Variants in NKAIN2 observed in about 807,000 individuals in gnomAD.
NKAIN2 encodes the protein sodium/potassium transporting ATPase interacting 2, also known as sodium/potassium-transporting ATPase subunit beta-1-interacting protein 2.
NKAIN2 carries 14 observed loss-of-function variants against 32.6 expected under a neutral mutation model. That is an observed-to-expected ratio of 0.43 (90% CI 0.28 to 0.67). NKAIN2 has a LOEUF of 0.67. Ranked by LOEUF, NKAIN2 falls within the 30% of genes least tolerant of loss-of-function variation. NKAIN2 has a pLI of 0.17. For missense variants in NKAIN2, 198 were observed against 258.3 expected, an observed-to-expected ratio of 0.77 and a Z score of 1.60; for synonymous variants, 80 against 87.2, an observed-to-expected ratio of 0.92 and a Z score of 0.46.
intron 1 of NKAIN2, among the ~76,000 whole-genome samples, chr6:123,973,059 T>A (rs1778413001): frequency 6.6e-6 from 1 of 152,130 alleles, no homozygotes; most frequent in Admixed American, 6.6e-5. Flanking sequence ...AAATATTGGC[T>A]GATGAAAAAC....
chr6:124,729,567 TA>T (rs748751498), intron 4 of NKAIN2, among the ~76,000 whole-genome samples: 119 of 151,804 alleles, frequency 7.8e-4, no homozygotes, highest in Non-Finnish European at 1.6e-3. Flanking sequence ...TTCAAAATAA[TA>T]AAAGCTATCT....
chr6:124,560,783 T>A (rs1267580601), intron 3 of NKAIN2, among the ~76,000 whole-genome samples: 2 of 152,196 alleles, frequency 1.3e-5, no homozygotes, highest in Non-Finnish European at 2.9e-5. Context: ...AGAGGAAAAG[T>A]TGAAATAATC....
intron 2 of NKAIN2, among the ~76,000 whole-genome samples, chr6:124,317,842 A>G (rs200477143): frequency 6.6e-6 from 1 of 152,064 alleles, no homozygotes. Context: ...CTTGTATTCA[A>G]TATATTTATA....
rs192239011 is a variant in NKAIN2, at chr6:124,721,062, A to G, written c.474+62676A>G. On this transcript the variant is annotated intron_variant, in intron 4 of 6. Coordinates refer to ENST00000368417, the MANE Select transcript of NKAIN2 (RefSeq NM_001040214.3). ...TCTGAAAACTTCCAACAAAGCATTC[A>G]GAGCTAGCATAATTCCAGCCAGATG... Among the ~76,000 whole-genome samples, 974 of 152,358 alleles carry G rather than the reference A, an allele frequency of 6.4e-3. 26 individuals are homozygous for G. Among genetic ancestry groups the G allele is most frequent in the Admixed American group, 0.043 (656 of 15,290 alleles).
intron 4 of NKAIN2, among the ~76,000 whole-genome samples, chr6:124,789,172 C>T (rs1779633986): frequency 6.6e-6 from 1 of 151,970 alleles, no homozygotes; most frequent in Non-Finnish European, 1.5e-5. Context: ...TCTAGTGACA[C>T]TTTAATGAGA....
chr6:124,703,580 A>T (rs1774906735), intron 4 of NKAIN2, among the ~76,000 whole-genome samples: 1 of 152,056 alleles, frequency 6.6e-6, no homozygotes, highest in African/African-American at 2.4e-5. Flanking sequence ...AAAAAAAGAT[A>T]CCCAGAAGAT....
chr6:124,288,581 A>G (rs1795664713), intron 2 of NKAIN2, among the ~76,000 whole-genome samples: 1 of 152,178 alleles, frequency 6.6e-6, no homozygotes, highest in Non-Finnish European at 1.5e-5. Context: ...CTCTAGTAAC[A>G]GTGAATTAGA....
chr6:123,895,664 T>G (rs1774246024), intron 1 of NKAIN2, among the ~76,000 whole-genome samples: 2 of 152,130 alleles, frequency 1.3e-5, no homozygotes, highest in Admixed American at 1.3e-4. Context: ...CTTTGACAGC[T>G]CTAATGCAAA....
At chr6:124,609,788 T>C (rs1316592294) in intron 3 of NKAIN2, among the ~76,000 whole-genome samples, 4 of 152,050 alleles carry the variant, frequency 2.6e-5, no homozygotes, top group Non-Finnish European at 5.9e-5. Context: ...GTACCGTAAA[T>C]AGACAGAGTG....
In NKAIN2 at chr6:124,698,920, G is replaced by T. The variant is rs1203812474; in HGVS notation, c.474+40534G>T. On this transcript the variant is annotated intron_variant, in intron 4 of 6. Transcript: ENST00000368417. ...GTTTTCTAGAGGGGTGTAGAGGTTA[G>T]TGCAGGGTAAAGGTTGAGAGTTAAA... Among the ~76,000 whole-genome samples the T allele has an allele frequency of 3.3e-5, 5 of 152,196 alleles. 1 individual carries two copies. In the East Asian group the frequency reaches 5.8e-4, roughly 18 times the overall value.
chr6:123,964,501 G>A lies in NKAIN2; in HGVS notation c.54+160247G>A, dbSNP rs1777989485. ...AAGTGGTCTCTGCTATGCAAACTAA[G>A]TTCCTTCTCATCTCTATATCATCTC... On this transcript the variant is annotated intron_variant, in intron 1 of 6. Transcript: ENST00000368417. The surrounding 1 kb of genome is among the most constrained non-coding windows in gnomAD (Gnocchi z 4.0). Among the ~76,000 whole-genome samples the A allele has an allele frequency of 6.6e-6, 1 of 152,134 alleles. No individual in the cohort carries two copies.
chr6:124,469,257 G>A (rs1362056566), intron 3 of NKAIN2, among the ~76,000 whole-genome samples: 2 of 152,148 alleles, frequency 1.3e-5, no homozygotes, highest in African/African-American at 2.4e-5. Flanking sequence ...GCAGTGTGCA[G>A]TTATGGTGTT....
At chr6:123,874,738 TTC>T (rs1773087678) in intron 1 of NKAIN2, among the ~76,000 whole-genome samples, 1 of 152,158 alleles carries the variant, frequency 6.6e-6, no homozygotes, top group Non-Finnish European at 1.5e-5. Context: ...TTATCACTTC[TTC>T]TGATTATAAA....
intron 1 of NKAIN2, among the ~76,000 whole-genome samples, chr6:123,932,895 AAG>A (rs1159816417): frequency 6.6e-6 from 1 of 151,576 alleles, no homozygotes; most frequent in Non-Finnish European, 1.5e-5. Context: ...CACTCTGGTG[AAG>A]GTCTTCATTC....
intron 1 of NKAIN2, among the ~76,000 whole-genome samples, chr6:124,067,331 G>A (rs1783238993): frequency 1.3e-5 from 2 of 152,126 alleles, no homozygotes; most frequent in Admixed American, 6.5e-5. Context: ...TGTGGAGACA[G>A]TTCTCCTACG....
At chr6:124,638,738 A>G (rs1783868459) in intron 3 of NKAIN2, among the ~76,000 whole-genome samples, 1 of 152,004 alleles carries the variant, frequency 6.6e-6, no homozygotes, top group Non-Finnish European at 1.5e-5. Context: ...TAATAAAAAT[A>G]CAAAAAGCCA....
chr6:124,200,314 C>T (rs1790534757), intron 1 of NKAIN2, among the ~76,000 whole-genome samples: 1 of 152,030 alleles, frequency 6.6e-6, no homozygotes, highest in Admixed American at 6.6e-5. Flanking sequence ...TTAAACTTCT[C>T]ATAGACATGC....
intron 1 of NKAIN2, among the ~76,000 whole-genome samples, chr6:124,164,249 G>C (rs1562395240): frequency 1.3e-5 from 2 of 151,976 alleles, no homozygotes; most frequent in Non-Finnish European, 1.5e-5. Context: ...AGAGCCTAGA[G>C]TAAAACAGCA....
chr6:124,102,151 T>C (rs559044864), intron 1 of NKAIN2, among the ~76,000 whole-genome samples: 1 of 152,250 alleles, frequency 6.6e-6, no homozygotes, highest in South Asian at 2.1e-4. Flanking sequence ...TCTTAGTACA[T>C]AGGAAATGGA....
Sources: gnomAD v4.1 joint callset for allele counts (sites outside exome capture counted in the v4.1 genomes callset) on GRCh38, gnomAD v4.1.1 for gene constraint, Gnocchi (gnomAD v3.1) non-coding constraint, MANE v1.5 for transcripts, NCBI Gene and HGNC (gene_info 2026-07-23, HGNC 2026-07-21) for gene names.